The following KAZN variants were observed in gnomAD, a reference collection of about 807,000 sequenced individuals.
KAZN encodes kazrin.
In KAZN, 40 loss-of-function variants were observed where a neutral mutation model predicts 87.4. The ratio of observed to expected loss-of-function variants is 0.46; its 90% CI spans 0.36 to 0.60. KAZN has a LOEUF of 0.60. Ranked by LOEUF, KAZN falls within the 20% of genes least tolerant of loss-of-function variation. KAZN has a pLI of 0.00. For synonymous variants in KAZN, 466 were observed against 458.3 expected (o/e 1.02, Z -0.22); for missense variants, 898 against 1,073.9 (o/e 0.84, Z 2.29).
chr1:14,678,329 A>G (rs560203550), intron 1 of KAZN, among the ~76,000 whole-genome samples: 5 of 152,146 alleles, frequency 3.3e-5, no homozygotes, highest in Non-Finnish European at 7.4e-5. Flanking sequence ...CTACCCTCGA[A>G]CATCAGACTC....
intron 2 of KAZN, among the ~76,000 whole-genome samples, chr1:14,997,206 TTTATTTATTTATTTATTTA>T (rs1667973279): frequency 1.0e-3 from 24 of 23,868 alleles, no homozygotes; most frequent in Admixed American, 2.0e-3. Flanking sequence ...CTTTCTTTCA[TTTATTTATTTATTTATTTA>T]TTTATTTATT....
At position 15,094,389 on chromosome 1, in the gene KAZN, G is replaced by C. The variant is rs1021546413; in HGVS notation, c.1428+4G>C. 1.9e-6 allele frequency: 3 copies of C among 1,608,296 alleles called. No individual in the cohort carries two copies. The highest frequency in any genetic ancestry group is 2.7e-5 in the African/African-American group (2 of 74,958). Reference sequence around the variant, plus strand: ...GGAGAACGTGAAGAGCGGGAAGGTAGGCAACTCCGGGCCCCCTATGGGATG... The same window carrying C: ...GGAGAACGTGAAGAGCGGGAAGGTACGCAACTCCGGGCCCCCTATGGGATG... On this transcript the variant is annotated splice_donor_region_variant and intron_variant, in intron 9 of 14. Transcript: ENST00000376030. This position sits in a 1 kb window ranked among gnomAD's most constrained non-coding sequence, Gnocchi z 4.5.
chr1:14,282,036 T>C (rs1013996978), intron 2 of KAZN, among the ~76,000 whole-genome samples: 4 of 152,208 alleles, frequency 2.6e-5, no homozygotes, highest in Non-Finnish European at 4.4e-5. Context: ...TTTTTATCTC[T>C]TACATATAGT....
chr1:14,366,274 T>C (rs1659989168), intron 2 of KAZN, among the ~76,000 whole-genome samples: 2 of 152,346 alleles, frequency 1.3e-5, no homozygotes, highest in South Asian at 2.1e-4. Flanking sequence ...AACGTACAAA[T>C]GAAAACTGAA....
Position 14,643,909 on chromosome 1 carries a change from C to G in KAZN, c.226+44686C>G, listed in dbSNP as rs115885654. 7.5e-3 allele frequency among the ~76,000 whole-genome samples: 1,140 copies of G among 151,210 alleles called. 10 individuals are homozygous for G. The highest frequency in any genetic ancestry group is 0.027 in the African/African-American group (1,093 of 41,144). On this transcript the variant is annotated intron_variant, in intron 1 of 14. Coordinates refer to ENST00000376030, the MANE Select transcript of KAZN (RefSeq NM_201628.3). ...CATTAAGATTTTAATTTGCATTTCT[C>G]TAATGCTCAGTGATATTGAGCTTTT...
At chr1:14,162,136 C>G (rs1428071098) in intron 1 of KAZN, among the ~76,000 whole-genome samples, 3 of 152,192 alleles carry the variant, frequency 2.0e-5, no homozygotes, top group Non-Finnish European at 4.4e-5. Flanking sequence ...CTTGGTTACA[C>G]CCTCTCAGTC....
chr1:14,997,336 G>A (rs886157951), intron 2 of KAZN, among the ~76,000 whole-genome samples: 3 of 151,884 alleles, frequency 2.0e-5, no homozygotes, highest in African/African-American at 7.3e-5. Context: ...CACCTCCCGG[G>A]TTCGAGCGAT....
chr1:14,314,059 T>C (rs372065746), intron 2 of KAZN, among the ~76,000 whole-genome samples: 23 of 152,302 alleles, frequency 1.5e-4, no homozygotes, highest in Non-Finnish European at 3.1e-4. Flanking sequence ...TGATATTAGA[T>C]ACAGATATGA....
intron 2 of KAZN, among the ~76,000 whole-genome samples, chr1:14,243,869 C>T (rs1178929150): frequency 2.6e-5 from 4 of 152,016 alleles, no homozygotes; most frequent in East Asian, 1.9e-4. Context: ...GATACAGAGC[C>T]CTAATGTCCG....
At chr1:14,752,054 C>A (rs1027155902) in intron 1 of KAZN, among the ~76,000 whole-genome samples, 1 of 152,148 alleles carries the variant, frequency 6.6e-6, no homozygotes, top group Non-Finnish European at 1.5e-5. Flanking sequence ...TGAAAGGGAG[C>A]TGGTGTGTGC....
intron 2 of KAZN, among the ~76,000 whole-genome samples, chr1:15,004,096 TG>T (rs1248668468): frequency 2.6e-5 from 4 of 152,210 alleles, no homozygotes; most frequent in Admixed American, 6.5e-5. Context: ...TGAACATACC[TG>T]GAGCCTCGTG....
intron 1 of KAZN, among the ~76,000 whole-genome samples, chr1:14,052,601 G>A (rs958454725): frequency 1.3e-5 from 2 of 152,180 alleles, no homozygotes; most frequent in African/African-American, 4.8e-5. Context: ...GCTATGTGGG[G>A]TCAAATGCTT....
chr1:14,300,846 T>G (rs968136002), intron 2 of KAZN, among the ~76,000 whole-genome samples: 3 of 152,196 alleles, frequency 2.0e-5, no homozygotes, highest in African/African-American at 7.2e-5. Context: ...CTAGGACGTA[T>G]CCTACCTGTG....
intron 1 of KAZN, among the ~76,000 whole-genome samples, chr1:14,867,724 A>ATCCCCCCCCCC (rs35065469): frequency 1.9e-5 from 2 of 107,460 alleles, no homozygotes; most frequent in African/African-American, 7.4e-5. Flanking sequence ...CTTTGAAGAC[A>ATCCCCCCCCCC]CCCCCCCCCC....
intron 1 of KAZN, among the ~76,000 whole-genome samples, chr1:14,066,827 G>T (rs1643027361): frequency 6.6e-6 from 1 of 152,182 alleles, no homozygotes; most frequent in South Asian, 2.1e-4. Context: ...TAGCACTCAG[G>T]CACAGAAACA....
chr1:15,085,337 GT>G (rs200997295), intron 8 of KAZN, among the ~76,000 whole-genome samples: 2 of 151,794 alleles, frequency 1.3e-5, no homozygotes, highest in Non-Finnish European at 2.9e-5. Context: ...TTATTATTTT[GT>G]TTTTTTTGAG....
intron 1 of KAZN, among the ~76,000 whole-genome samples, chr1:14,173,671 C>CAG: frequency 6.6e-6 from 1 of 152,034 alleles, no homozygotes; most frequent in Non-Finnish European, 1.5e-5. Context: ...CCGCCCCGCC[C>CAG]CGCCCAACTT....
intron 1 of KAZN, among the ~76,000 whole-genome samples, chr1:14,670,273 T>A (rs530031480): frequency 1.3e-5 from 2 of 152,280 alleles, no homozygotes; most frequent in Admixed American, 6.5e-5. Context: ...AAGGCATTTG[T>A]GTTTGTGTCC....
intron 1 of KAZN, among the ~76,000 whole-genome samples, chr1:14,827,827 C>A (rs1315185860): frequency 1.3e-5 from 2 of 152,208 alleles, no homozygotes; most frequent in African/African-American, 2.4e-5. Context: ...ACTCAAGGAT[C>A]CCCTGGCTAA....
Sources: gnomAD v4.1 joint callset for allele counts (sites outside exome capture counted in the v4.1 genomes callset) on GRCh38, gnomAD v4.1.1 for gene constraint, Gnocchi (gnomAD v3.1) non-coding constraint, MANE v1.5 for transcripts, NCBI Gene and HGNC (gene_info 2026-07-23, HGNC 2026-07-21) for gene names.